Variants in TSPAN5 observed in about 807,000 individuals in gnomAD.
TSPAN5 encodes tetraspanin-5.
A neutral mutation model predicts 37.1 loss-of-function variants in TSPAN5; 10 were observed. The observed-to-expected ratio is 0.27, with a 90% CI of 0.17 to 0.46. The LOEUF (loss-of-function observed/expected upper bound fraction) is 0.46. Ranked by LOEUF, TSPAN5 falls within the 20% of genes least tolerant of loss-of-function variation. The pLI is 1.00. For synonymous variants in TSPAN5, 110 were observed against 118.9 expected, an observed-to-expected ratio of 0.93 and a Z score of 0.48; for missense variants, 195 against 326.6, an observed-to-expected ratio of 0.60 and a Z score of 3.11.
At chr4:98,481,197 A>G (rs1157046158) in intron 4 of TSPAN5, among the ~76,000 whole-genome samples, 1 of 152,210 alleles carries the variant, frequency 6.6e-6, no homozygotes, top group Admixed American at 6.5e-5. Context: ...CATTAGTGTC[A>G]TAATATCCCT....
At chr4:98,493,449 G>A (rs1056445770) in intron 2 of TSPAN5, among the ~76,000 whole-genome samples, 1 of 152,132 alleles carries the variant, frequency 6.6e-6, no homozygotes. Context: ...GCAGAGTAAC[G>A]GGCCACACAC....
intron 1 of TSPAN5, among the ~76,000 whole-genome samples, chr4:98,533,774 TCGCCTGACCTCGTGATCCGCC>T (rs1161739245): frequency 6.7e-6 from 1 of 148,820 alleles, no homozygotes; most frequent in Non-Finnish European, 1.5e-5. Context: ...ATGGTCTCGA[TCGCCTGACCTCGTGATCCGCC>T]CGCCTCGGCC....
chr4:98,512,598 A>G (rs747819348), intron 1 of TSPAN5, among the ~76,000 whole-genome samples: 1 of 152,142 alleles, frequency 6.6e-6, no homozygotes, highest in South Asian at 2.1e-4. Context: ...CTCTGGAGGG[A>G]CACATCTGCC....
intron 1 of TSPAN5, among the ~76,000 whole-genome samples, chr4:98,533,157 T>TA (rs1366208766): frequency 1.3e-5 from 2 of 152,168 alleles, no homozygotes; most frequent in Non-Finnish European, 2.9e-5. Context: ...TTTCCTTTTT[T>TA]GTGGTGTCTC....
intron 1 of TSPAN5, among the ~76,000 whole-genome samples, chr4:98,598,932 C>T (rs540676420): frequency 1.3e-5 from 2 of 152,102 alleles, no homozygotes; most frequent in African/African-American, 2.4e-5. Context: ...GTTATTTATA[C>T]TCCTTAAACA....
intron 2 of TSPAN5, among the ~76,000 whole-genome samples, chr4:98,507,044 G>A (rs1172842412): frequency 6.6e-6 from 1 of 152,134 alleles, no homozygotes; most frequent in East Asian, 1.9e-4. Context: ...CCAGAACATT[G>A]TATCTTCACT....
At chr4:98,580,891 T>C (rs1755355039) in intron 1 of TSPAN5, among the ~76,000 whole-genome samples, 2 of 152,180 alleles carry the variant, frequency 1.3e-5, no homozygotes, top group African/African-American at 4.8e-5. Flanking sequence ...TATAGTCTTT[T>C]CCCTCTCTAA....
chr4:98,620,625 A>G (rs1478228257), intron 1 of TSPAN5, among the ~76,000 whole-genome samples: 9 of 152,210 alleles, frequency 5.9e-5, no homozygotes, highest in Non-Finnish European at 1.0e-4. Context: ...AGCGCTCTCC[A>G]TGAAAGTAGC....
chr4:98,497,523 G>A (rs1191843693), intron 2 of TSPAN5, among the ~76,000 whole-genome samples: 1 of 152,092 alleles, frequency 6.6e-6, no homozygotes, highest in Non-Finnish European at 1.5e-5. Context: ...ATAGTATTTT[G>A]TTACAGCAGC....
In TSPAN5 at chr4:98,518,436, T is replaced by C. The variant is rs916072503; in HGVS notation, c.82-10708A>G. Among the ~76,000 whole-genome samples the C allele has an allele frequency of 2.2e-4, 34 of 152,150 alleles. 1 individual carries two copies. The highest frequency in any genetic ancestry group is 1.5e-5 in the Non-Finnish European group (1 of 68,016). On this transcript the variant is annotated intron_variant, in intron 1 of 7. Transcript: ENST00000305798. ...GTGGGTGGGAGATACATAAATAAAATGACAACTCAATTACAGAAATGGAGC... is the reference window on the plus strand; with the variant it reads ...GTGGGTGGGAGATACATAAATAAAACGACAACTCAATTACAGAAATGGAGC...
At chr4:98,613,773 T>C (rs904728735) in intron 1 of TSPAN5, among the ~76,000 whole-genome samples, 2 of 152,188 alleles carry the variant, frequency 1.3e-5, no homozygotes, top group Admixed American at 6.5e-5. Context: ...CAGGTTGATA[T>C]TGAGGGTGGG....
At chr4:98,479,076 T>C (rs1345626381) in intron 4 of TSPAN5, among the ~76,000 whole-genome samples, 1 of 152,208 alleles carries the variant, frequency 6.6e-6, no homozygotes, top group Non-Finnish European at 1.5e-5. Flanking sequence ...AGAGCAGCTG[T>C]ACAGCAGGGC....
At chr4:98,617,594 C>T (rs1158099950) in intron 1 of TSPAN5, among the ~76,000 whole-genome samples, 1 of 152,128 alleles carries the variant, frequency 6.6e-6, no homozygotes, top group African/African-American at 2.4e-5. Context: ...CATGCATTTC[C>T]GTCATGCCAA....
At position 98,472,290 on chromosome 4, in the gene TSPAN5, G is replaced by T; in HGVS notation, c.*232C>A. 2.5e-6 allele frequency: 1 copy of T among 398,222 alleles called. No individual in the cohort carries two copies. The highest frequency in any genetic ancestry group is 4.4e-6 in the Non-Finnish European group (1 of 225,110). 24.7% of individuals were successfully genotyped at this position (398,222 alleles called of 1,614,324 possible). A position where few individuals can be genotyped will look rare whatever the true frequency, so the allele number is the denominator to read the frequency against. On this transcript the variant is annotated 3_prime_UTR_variant, in exon 8 of 8. Coordinates refer to ENST00000305798, the MANE Select transcript of TSPAN5 (RefSeq NM_005723.4). ...AGCATCTAACTGTCCATAAATTCAT[G>T]GCTACAGTAGAGATTCACGGCGCAA...
At chr4:98,564,517 A>G (rs1296732673) in intron 1 of TSPAN5, among the ~76,000 whole-genome samples, 1 of 152,160 alleles carries the variant, frequency 6.6e-6, no homozygotes, top group Non-Finnish European at 1.5e-5. Flanking sequence ...AGTTAATCTC[A>G]CTGAGTCCTT....
intron 1 of TSPAN5, among the ~76,000 whole-genome samples, chr4:98,656,194 C>T (rs912877899): frequency 6.6e-6 from 1 of 152,156 alleles, no homozygotes; most frequent in Non-Finnish European, 1.5e-5. Context: ...TTTGCTGCAA[C>T]CTAATCCATA....
chr4:98,607,249 A>G (rs931788880), intron 1 of TSPAN5, among the ~76,000 whole-genome samples: 7 of 152,192 alleles, frequency 4.6e-5, no homozygotes, highest in Admixed American at 3.3e-4. Flanking sequence ...AAAACAGGGG[A>G]GAGAGTTCAT....
intron 2 of TSPAN5, among the ~76,000 whole-genome samples, chr4:98,492,768 G>A (rs1011272191): frequency 9.2e-5 from 14 of 152,158 alleles, no homozygotes; most frequent in African/African-American, 3.4e-4. Context: ...AATGAAATGA[G>A]CAGTTCTGTG....
At chr4:98,627,788 A>T (rs1314568740) in intron 1 of TSPAN5, among the ~76,000 whole-genome samples, 1 of 152,242 alleles carries the variant, frequency 6.6e-6, no homozygotes, top group African/African-American at 2.4e-5. Flanking sequence ...TTTTACACAA[A>T]AATAATGATG....
Sources: allele counts gnomAD v4.1 joint callset (sites outside exome capture counted in the v4.1 genomes callset), GRCh38; gene constraint gnomAD v4.1.1; transcripts MANE v1.5; gene names NCBI Gene and HGNC (gene_info 2026-07-23, HGNC 2026-07-21).